The following ANK3 variants were observed in gnomAD, a reference collection of about 807,000 sequenced individuals.
ANK3 encodes the protein ankyrin 3, also known as ankyrin-3.
Under a neutral mutation model 370.9 loss-of-function variants are expected in ANK3, and 57 were observed. The ratio of observed to expected loss-of-function variants is 0.15; its 90% CI spans 0.12 to 0.19. ANK3 has a LOEUF of 0.19. ANK3 is among the 10% of genes least tolerant of loss of function. The pLI is 1.00. For synonymous variants in ANK3, 1,929 were observed against 1,946.3 expected (o/e 0.99, Z 0.23); for missense variants, 4,439 against 5,302.1 (o/e 0.84, Z 5.06).
chr10:60,381,981 A>G (rs2061609358), intron 1 of ANK3, among the ~76,000 whole-genome samples: 1 of 152,100 alleles, frequency 6.6e-6, no homozygotes, highest in Non-Finnish European at 1.5e-5. Context: ...TAATGTTTCT[A>G]ATCTTCTATT....
chr10:60,363,288 A>G (rs12411733), intron 1 of ANK3, among the ~76,000 whole-genome samples: 88,201 of 151,950 alleles, frequency 0.58, 27,721 homozygotes, highest in South Asian at 0.76. Flanking sequence ...CTAAACCGAA[A>G]TAGCACCAGC....
intron 4 of ANK3, among the ~76,000 whole-genome samples, chr10:60,271,074 T>A (rs557932089): frequency 9.2e-5 from 14 of 152,312 alleles, no homozygotes; most frequent in African/African-American, 3.4e-4. Context: ...ATGTTGTATA[T>A]ATATTTTTTC....
At chr10:60,611,910 G>A (rs74155623) in intron 2 of ANK3, among the ~76,000 whole-genome samples, 1,794 of 151,576 alleles carry the variant, frequency 0.012, 35 homozygotes, top group African/African-American at 0.041. Flanking sequence ...GAAGAAATGG[G>A]GAAAGAATCA....
At chr10:60,684,455 G>C (rs2079241372) in intron 1 of ANK3, 1 of 1,100,788 alleles carries the variant, frequency 9.1e-7, no homozygotes, top group Non-Finnish European at 1.3e-6. Flanking sequence ...GAAGTCCTAA[G>C]GCAAGAAGTA....
chr10:60,262,121 T>C (rs1285707240), intron 6 of ANK3, among the ~76,000 whole-genome samples, 164 bp from the exon 7 acceptor site: 5 of 152,188 alleles, frequency 3.3e-5, no homozygotes, highest in Non-Finnish European at 7.3e-5. Context: ...TCACAGGGTT[T>C]CTAATAAACC....
intron 1 of ANK3, among the ~76,000 whole-genome samples, chr10:60,632,917 T>C (rs1054995792): frequency 8.2e-6 from 1 of 122,534 alleles, no homozygotes; most frequent in African/African-American, 2.9e-5. Flanking sequence ...AAAAAAACCA[T>C]ACTTATTCTT....
intron 7 of ANK3, among the ~76,000 whole-genome samples, chr10:60,241,111 A>G (rs904647119): frequency 2.6e-5 from 4 of 152,154 alleles, no homozygotes; most frequent in Non-Finnish European, 2.9e-5. Context: ...TAACTTAGCC[A>G]TTAACTTCCC....
At chr10:60,153,387 GGAGAA>G (rs1400383627) in intron 23 of ANK3, among the ~76,000 whole-genome samples, 1 of 152,094 alleles carries the variant, frequency 6.6e-6, no homozygotes, top group African/African-American at 2.4e-5. Flanking sequence ...AAATGGAGAT[GGAGAA>G]GAGAAGAGAG....
intron 12 of ANK3, among the ~76,000 whole-genome samples, chr10:60,200,533 G>A (rs955180658): frequency 6.6e-6 from 1 of 152,102 alleles, no homozygotes; most frequent in African/African-American, 2.4e-5. Flanking sequence ...GCAGGGGGGT[G>A]AGTGAGTGCA....
chr10:60,059,157 ATTAAAT>A (rs1157892735), intron 41 of ANK3, among the ~76,000 whole-genome samples, 177 bp downstream of exon 41: 1 of 152,224 alleles, frequency 6.6e-6, no homozygotes, highest in Non-Finnish European at 1.5e-5. Context: ...AGTTTTGAGA[ATTAAAT>A]TTAAATTTAA....
At chr10:60,396,600 C>G (rs1176316504) in intron 2 of ANK3, among the ~76,000 whole-genome samples, 1 of 152,080 alleles carries the variant, frequency 6.6e-6, no homozygotes, top group East Asian at 1.9e-4. Context: ...GAAATAAATT[C>G]TCCTGTGTAC....
chr10:60,694,641 A>T (rs1196576637), intron 1 of ANK3, among the ~76,000 whole-genome samples: 3 of 151,964 alleles, frequency 2.0e-5, no homozygotes, highest in African/African-American at 7.3e-5. Flanking sequence ...CATATCCAGC[A>T]AAACTAAGCT....
intron 1 of ANK3, chr10:60,615,231 A>G (rs1288068579): frequency 6.6e-7 from 1 of 1,515,604 alleles, no homozygotes; most frequent in Non-Finnish European, 8.8e-7. Context: ...CACCCTAAAA[A>G]AGTAAAGAAA....
chr10:60,650,367 A>G (rs962075316), intron 1 of ANK3, among the ~76,000 whole-genome samples: 9 of 62,468 alleles, frequency 1.4e-4, no homozygotes, highest in Non-Finnish European at 1.3e-4. Flanking sequence ...ACTACTTTAC[A>G]AAAAAAAAAA....
At chr10:60,162,471 A>T (rs2095523421) in intron 23 of ANK3, among the ~76,000 whole-genome samples, 1 of 152,170 alleles carries the variant, frequency 6.6e-6, no homozygotes, top group Non-Finnish European at 1.5e-5. Flanking sequence ...TTGCCCATTC[A>T]GTTCTTTGAA....
chr10:60,603,816 T>C (rs183900148), intron 2 of ANK3, among the ~76,000 whole-genome samples: 2 of 152,222 alleles, frequency 1.3e-5, no homozygotes, highest in African/African-American at 4.8e-5. Context: ...ACAAGAGCTG[T>C]CTCATTTTAG....
intron 5 of ANK3, among the ~76,000 whole-genome samples, chr10:60,267,921 A>C (rs889845758): frequency 2.6e-5 from 4 of 152,220 alleles, no homozygotes; most frequent in African/African-American, 9.6e-5. Flanking sequence ...CCGCTAGGAC[A>C]CAATGTGTGT....
chr10:60,196,156 C>G lies in ANK3; in HGVS notation c.1876G>C (p.Ala626Pro). 6.2e-7 allele frequency: 1 copy of G among 1,613,760 alleles called. No homozygotes were observed. Among genetic ancestry groups the G allele is most frequent in the East Asian group, 2.2e-5 (1 of 44,854 alleles). Residue 626 changes from alanine to proline, a missense_variant, in exon 16 of 44, where the codon GCA (alanine) becomes CCA (proline). Transcript: ENST00000280772. Reference protein sequence around the residue: ...LLLDQGASPHAAAKNGYTPLH... With the variant: ...LLLDQGASPHPAAKNGYTPLH... Reference sequence around the variant, plus strand: ...GGAATTATAGGTACCTTTGCGGCTGCGTGAGGTGAGGCTCCTTGGTCCAAA... The same window carrying G: ...GGAATTATAGGTACCTTTGCGGCTGGGTGAGGTGAGGCTCCTTGGTCCAAA...
chr10:60,693,281 G>A (rs989328371), intron 1 of ANK3, among the ~76,000 whole-genome samples: 1 of 152,228 alleles, frequency 6.6e-6, no homozygotes, highest in African/African-American at 2.4e-5. Flanking sequence ...CTGATTGCTA[G>A]CAGTCTGAGA....
Sources: gnomAD v4.1 joint callset for allele counts (sites outside exome capture counted in the v4.1 genomes callset) on GRCh38, gnomAD v4.1.1 for gene constraint, MANE v1.5 for transcripts, NCBI Gene and HGNC (gene_info 2026-07-23, HGNC 2026-07-21) for gene names.